FRMPD4: variants seen among roughly 807,000 people sequenced by gnomAD.
FRMPD4 encodes FERM and PDZ domain-containing protein 4.
A neutral mutation model predicts 94.1 loss-of-function variants in FRMPD4; 22 were observed. That is an observed-to-expected ratio of 0.23 (90% CI 0.17 to 0.33). FRMPD4 has a LOEUF of 0.33. FRMPD4 is among the 10% of genes least tolerant of loss of function. The probability of loss-of-function intolerance (pLI) is 1.00; values close to 1 mark genes in which losing one functional copy is unlikely to be tolerated. For synonymous variants in FRMPD4, 631 were observed against 548.6 expected (o/e 1.15, Z -2.10); for missense variants, 1,111 against 1,339.9 (o/e 0.83, Z 2.67).
intron 1 of FRMPD4, among the ~76,000 whole-genome samples, chrX:12,476,221 G>C (rs1325243127): frequency 8.9e-6 from 1 of 111,889 alleles, no homozygotes; most frequent in East Asian, 2.8e-4. Flanking sequence ...GGAAAGGACT[G>C]CCTATTTAAT....
intron 1 of FRMPD4, among the ~76,000 whole-genome samples, chrX:12,194,384 G>A (rs148658576): frequency 0.022 from 2,351 of 107,739 alleles, 68 homozygotes; most frequent in African/African-American, 0.076. Flanking sequence ...GTGAAAATTC[G>A]CTTTTGTACC....
chrX:12,386,366 T>G (rs779253912), intron 1 of FRMPD4, among the ~76,000 whole-genome samples: 2 of 111,948 alleles, frequency 1.8e-5, no homozygotes, highest in African/African-American at 6.5e-5. Context: ...AGAGGAAAAT[T>G]TATGAGCAGC....
intron 1 of FRMPD4, among the ~76,000 whole-genome samples, chrX:12,151,646 AT>A (rs1752730378): frequency 8.9e-6 from 1 of 111,962 alleles, no homozygotes; most frequent in Non-Finnish European, 1.9e-5. Flanking sequence ...TTAGCCTTCT[AT>A]TTTCTTTAAA....
intron 3 of FRMPD4, among the ~76,000 whole-genome samples, chrX:12,055,687 A>C (rs1024459166): frequency 3.6e-5 from 4 of 111,979 alleles, no homozygotes. Context: ...AAGGGTTTGA[A>C]TCATGGGGGA....
intron 1 of FRMPD4, among the ~76,000 whole-genome samples, chrX:11,857,706 G>A (rs750824701): frequency 4.4e-5 from 5 of 112,720 alleles, no homozygotes; most frequent in Admixed American, 1.9e-4. Flanking sequence ...AGCAAAAATT[G>A]ACCAATGGGA....
At chrX:11,967,050 G>A (rs2054313127) in intron 3 of FRMPD4, among the ~76,000 whole-genome samples, 1 of 110,686 alleles carries the variant, frequency 9.0e-6, no homozygotes, top group Non-Finnish European at 1.9e-5. Context: ...TGAGGTAACA[G>A]CAAAAAGAAA....
rs1189999962 is a variant in FRMPD4, at chrX:12,036,464, T to C, written c.95+158446T>C. 3.6e-5 allele frequency among the ~76,000 whole-genome samples: 4 copies of C among 111,931 alleles called. No homozygotes were observed. In the Admixed American group the frequency reaches 3.8e-4, roughly 11 times the overall value. Reference sequence around the variant, plus strand: ...GATAAAAATTGAACAAGAAAAAAAGTGGTATCTTTGAGAACAAGTGAGAAC... The same window carrying C: ...GATAAAAATTGAACAAGAAAAAAAGCGGTATCTTTGAGAACAAGTGAGAAC... On this transcript the variant is annotated intron_variant, in intron 3 of 18. Coordinates refer to the FRMPD4 transcript ENST00000640291.
intron 4 of FRMPD4, among the ~76,000 whole-genome samples, chrX:12,624,459 A>C (rs2059327155): frequency 8.9e-6 from 1 of 111,771 alleles, no homozygotes. Flanking sequence ...AACTATTATA[A>C]CTATAAGGTG....
intron 3 of FRMPD4, among the ~76,000 whole-genome samples, chrX:12,105,280 A>G (rs1179712381): frequency 1.8e-5 from 2 of 112,209 alleles, no homozygotes; most frequent in Non-Finnish European, 3.8e-5. Flanking sequence ...CTGCAGCATC[A>G]TGTTACTCTC....
chrX:12,097,788 G>C (rs759259483), intron 3 of FRMPD4, among the ~76,000 whole-genome samples: 1 of 112,413 alleles, frequency 8.9e-6, no homozygotes, highest in Non-Finnish European at 1.9e-5. Context: ...ATATTGCATT[G>C]TATGAATATA....
At chrX:12,638,476 T>C (rs910303562) in intron 4 of FRMPD4, among the ~76,000 whole-genome samples, 2 of 110,769 alleles carry the variant, frequency 1.8e-5, no homozygotes, top group Non-Finnish European at 3.8e-5. Flanking sequence ...ACTCAGGCAG[T>C]CCGCCCACCT....
rs1427826133 is a variant in FRMPD4 at position 12,628,667 on chromosome X, A to G, written c.422+13786A>G. On this transcript the variant is annotated intron_variant, in intron 4 of 16. Coordinates refer to ENST00000675598, the MANE Select transcript of FRMPD4 (RefSeq NM_001368397.1). Reference sequence around the variant, plus strand: ...TCCTGGAGAATCAGCTTCTGAAAAGACAGGGAGCATGCCTGCCCTTTCACA... The same window carrying G: ...TCCTGGAGAATCAGCTTCTGAAAAGGCAGGGAGCATGCCTGCCCTTTCACA... Among the ~76,000 whole-genome samples, 3 of 112,730 alleles carry G rather than the reference A, an allele frequency of 2.7e-5. No homozygotes were observed. In the East Asian group the frequency reaches 8.4e-4, roughly 31 times the overall value.
chrX:12,097,904 T>C (rs1477304313), intron 3 of FRMPD4, among the ~76,000 whole-genome samples: 1 of 112,567 alleles, frequency 8.9e-6, no homozygotes, highest in South Asian at 3.6e-4. Context: ...TTTGTGTGGA[T>C]ATATGTTTCC....
At chrX:12,092,949 G>A (rs763525747) in intron 3 of FRMPD4, among the ~76,000 whole-genome samples, 5 of 111,684 alleles carry the variant, frequency 4.5e-5, no homozygotes, top group Non-Finnish European at 9.4e-5. Flanking sequence ...TGCCTGTGAA[G>A]GTTACTGGCA....
At chrX:12,362,055 G>T (rs939890964) in intron 1 of FRMPD4, among the ~76,000 whole-genome samples, 3 of 111,103 alleles carry the variant, frequency 2.7e-5, no homozygotes, top group African/African-American at 9.8e-5. Flanking sequence ...GTAGAAATAT[G>T]TCCCTTTTTT....
intron 2 of FRMPD4, among the ~76,000 whole-genome samples, chrX:11,871,269 T>G (rs2147305821): frequency 8.9e-6 from 1 of 112,151 alleles, no homozygotes; most frequent in South Asian, 3.7e-4. Context: ...CTCACTTATG[T>G]CACCTCCCAA....
chrX:12,247,402 G>A (rs929386622), intron 1 of FRMPD4, among the ~76,000 whole-genome samples: 3 of 111,283 alleles, frequency 2.7e-5, no homozygotes, highest in Non-Finnish European at 3.8e-5. Flanking sequence ...TTCCATCCTC[G>A]GGAGTGCCCG....
At chrX:12,344,685 C>A (rs1010137107) in intron 1 of FRMPD4, among the ~76,000 whole-genome samples, 2 of 112,281 alleles carry the variant, frequency 1.8e-5, no homozygotes, top group Admixed American at 9.4e-5. Flanking sequence ...GAGCATTTAT[C>A]TTTTTGTACT....
intron 3 of FRMPD4, among the ~76,000 whole-genome samples, chrX:11,926,258 C>CAAAAAAAAAA (rs763084115): frequency 3.3e-5 from 1 of 30,708 alleles, no homozygotes; most frequent in African/African-American, 1.6e-4. Flanking sequence ...GCTTACCAAC[C>CAAAAAAAAAA]AAAAAAAAAA....
Sources: allele counts gnomAD v4.1 joint callset (sites outside exome capture counted in the v4.1 genomes callset), GRCh38; gene constraint gnomAD v4.1.1; transcripts MANE v1.5; gene names NCBI Gene and HGNC (gene_info 2026-07-23, HGNC 2026-07-21).